FZD4: variants seen among roughly 807,000 people sequenced by gnomAD.
FZD4 encodes frizzled class receptor 4.
In FZD4, 16 loss-of-function variants were observed where a neutral mutation model predicts 37.3. The observed-to-expected ratio is 0.43, with a 90% CI of 0.29 to 0.65. FZD4 has a LOEUF of 0.65. Among genes scored for constraint, FZD4 ranks in the 30% least tolerant of loss-of-function variants. The pLI, the probability that FZD4 is intolerant of heterozygous loss-of-function variation, is 0.16. For missense variants in FZD4, 599 were observed against 674.3 expected, an observed-to-expected ratio of 0.89 and a Z score of 1.24; for synonymous variants, 246 against 254.8, an observed-to-expected ratio of 0.97 and a Z score of 0.33.
At chr11:86,953,491 C>T (rs1018545473) in intron 1 of FZD4, among the ~76,000 whole-genome samples, 1 of 152,184 alleles carries the variant, frequency 6.6e-6, no homozygotes, top group Non-Finnish European at 1.5e-5. Context: ...GTCTAATCCC[C>T]ACCATCTTTC....
intron 1 of FZD4, chr11:86,954,197 A>G (rs1257196100): frequency 2.0e-6 from 2 of 981,154 alleles, no homozygotes; most frequent in African/African-American, 1.8e-5. Context: ...ATTTCTTCCA[A>G]TATACCAACC....
At chr11:86,952,520 G>A in intron 1 of FZD4, 50 bp from the exon 2 acceptor site, 1 of 1,596,834 alleles carries the variant, frequency 6.3e-7, no homozygotes, top group East Asian at 2.2e-5. Flanking sequence ...TGACTTGGAA[G>A]TTTGACCAAA....
At chr11:86,952,637 T>C in intron 1 of FZD4, 167 bp from the exon 2 acceptor site, 1 of 652,582 alleles carries the variant, frequency 1.5e-6, no homozygotes, top group Non-Finnish European at 2.7e-6. Context: ...CAAGGGCGCC[T>C]GATAATCCAT....
chr11:86,953,679 C>T (rs142635340), intron 1 of FZD4, among the ~76,000 whole-genome samples: 147 of 152,108 alleles, frequency 9.7e-4, no homozygotes, highest in Admixed American at 2.8e-3. Flanking sequence ...TGCAATGGTG[C>T]AATCCCCGCT....
rs185157734 is a variant in FZD4 at position 86,951,351 on chromosome 11, C to T, written c.1405G>A (p.Ala469Thr). The change falls in exon 2 of 2, where the codon GCA becomes ACA. Residue 469 changes from alanine (A) to threonine (T), a missense_variant. Transcript: ENST00000531380. ...ISNWALFRYS[A>T]DDSNMAVEML... Reference sequence around the variant, plus strand: ...TCAACAGCCATGTTGGAATCATCTGCAGAATACCGAAAAAGTGCCCAGTTG... The same window carrying T: ...TCAACAGCCATGTTGGAATCATCTGTAGAATACCGAAAAAGTGCCCAGTTG... 318 of 1,613,716 alleles carry T rather than the reference C, an allele frequency of 2.0e-4. 3 individuals are homozygous for T. The Admixed American group carries it at 5.2e-3, about 26-fold the overall frequency.
rs1408737806 is a variant in FZD4 at position 86,945,682 on chromosome 11, CAAACA to C, written c.*5455_*5459del. ...ATATGCCAAGTCACACACAACCTAA[CAAACA>C]AAACTTTATTTTCCTTTAATACAAA... On this transcript the variant is annotated 3_prime_UTR_variant, in exon 2 of 2. Coordinates refer to ENST00000531380, the MANE Select transcript of FZD4 (RefSeq NM_012193.4). 6.6e-6 allele frequency: 1 copy of C among 152,658 alleles called. No homozygotes were observed. Among genetic ancestry groups the C allele is most frequent in the Non-Finnish European group, 1.5e-5 (1 of 68,046 alleles). 9.5% of individuals were successfully genotyped at this position (152,658 alleles called of 1,614,324 possible).
Position 86,945,894 on chromosome 11 carries a change from A to G in FZD4, c.*5248T>C, listed in dbSNP as rs919324557. The G allele has an allele frequency of 5.2e-5, 8 of 152,760 alleles. 1 individual carries two copies. Among genetic ancestry groups the G allele is most frequent in the Middle Eastern group, 3.4e-3 (1 of 294 alleles). The allele number at this position is 152,760 out of a possible 1,614,324, so 9.5% of individuals were successfully genotyped here. On this transcript the variant is annotated 3_prime_UTR_variant, in exon 2 of 2. Coordinates refer to ENST00000531380, the MANE Select transcript of FZD4 (RefSeq NM_012193.4). ...GGTACCTCTTTGTCAAACATCTGAA[A>G]GTCCCCCAGATTGGCTTCAAGGTTC...
rs756119359 is a variant in FZD4, at chr11:86,954,988, G to T, written c.98C>A (p.Pro33Gln). The T allele has an allele frequency of 4.2e-5, 67 of 1,612,604 alleles. No homozygotes were observed. The highest frequency in any genetic ancestry group is 2.4e-5 in the Non-Finnish European group (28 of 1,179,700). Residue 33 changes from proline (P) to glutamine (Q), a missense_variant, in exon 1 of 2, where the codon CCG becomes CAG. Pro to Gln is a moderately conservative substitution (Grantham distance 76). This residue lies in a region of FZD4 where 357 missense variants were observed against 396.1 expected (regional missense o/e 0.90). Transcript: ENST00000531380. ...LLLQLLLLLG[P>Q]ARGFGDEEER... ...TTCCTCGTCCCCGAAGCCCCGCGCC[G>T]GCCCCAGGAGCAGCAGCAACTGCAG...
Position 86,955,043 on chromosome 11 carries a change from C to T in FZD4, c.43G>A (p.Gly15Arg), listed in dbSNP as rs750507065. 2.5e-6 allele frequency: 4 copies of T among 1,604,336 alleles called. No individual in the cohort carries two copies. The highest frequency in any genetic ancestry group is 2.2e-5 in the South Asian group (2 of 90,106). ...AACCCCAGACTGAGACCGACGCCCC[C>T]GGGCGCCCCCGGGACGCTCGGCCCT... is the stretch of plus-strand genomic sequence containing the variant. ...GAGPSVPGAP[G>R]GVGLSLGLLL... is the part of the protein sequence containing the mutation. Residue 15 changes from glycine to arginine, a missense_variant, in exon 1 of 2, where the codon GGG becomes AGG. Gly to Arg is a moderately radical substitution (Grantham distance 125, BLOSUM62 -2). Transcript: ENST00000531380.
chr11:86,949,737 A>C lies in FZD4; in HGVS notation c.*1405T>G, dbSNP rs959253128. On this transcript the variant is annotated 3_prime_UTR_variant, in exon 2 of 2. Coordinates refer to ENST00000531380, the MANE Select transcript of FZD4 (RefSeq NM_012193.4). The stretch of plus-strand genomic sequence containing the variant: ...CCTGGGCTATTAGAGTTTGCAGTTC[A>C]TTTCATATGGTCTACACTTTATTCC... 2.0e-5 allele frequency: 3 copies of C among 152,688 alleles called. No homozygotes were observed. Among genetic ancestry groups the C allele is most frequent in the Non-Finnish European group, 4.4e-5 (3 of 68,048 alleles). 9.5% of individuals were successfully genotyped at this position (152,688 alleles called of 1,614,324 possible).
intron 1 of FZD4, 85 bp from the exon 2 acceptor site, chr11:86,952,555 G>A: frequency 6.9e-7 from 1 of 1,457,260 alleles, no homozygotes; most frequent in East Asian, 2.3e-5. Flanking sequence ...TGAGTTGAAT[G>A]CTTCCAGGCA....
Position 86,955,139 on chromosome 11 carries a change from C to T in FZD4, c.-54G>A, listed in dbSNP as rs1343364908. 4 of 1,353,912 alleles carry T rather than the reference C, an allele frequency of 3.0e-6. No homozygotes were observed. The highest frequency in any genetic ancestry group is 3.8e-6 in the Non-Finnish European group (4 of 1,046,266). 83.9% of individuals were successfully genotyped at this position (1,353,912 alleles called of 1,614,324 possible). A position where few individuals can be genotyped will look rare whatever the true frequency, so the allele number is the denominator to read the frequency against. On this transcript the variant is annotated 5_prime_UTR_variant, in exon 1 of 2. Transcript: ENST00000531380. ...GGCTGGGGCTGCTCTGGCAGACACC[C>T]CCAGTTTGCACGGGGGCGCCGGCTG...
rs1950464299 is a variant in FZD4 at position 86,951,857 on chromosome 11, G to A, written c.899C>T (p.Thr300Ile). The change falls in exon 2 of 2, where the codon ACA becomes ATA. Residue 300 changes from threonine to isoleucine, a missense_variant. Around this residue, in one of 3 missense-constraint regions of FZD4, gnomAD observed 357 missense variants for 396.1 expected, o/e 0.90. Transcript: ENST00000531380. The part of the protein sequence containing the change: ...PVLIQEGLKN[T>I]GCAIIFLLMY... ...CAGCAAGAAAATTATTGCACATCCT[G>A]TGTTCTTAAGTCCTTCTTGGATGAG... 1.2e-6 allele frequency: 2 copies of A among 1,613,606 alleles called. No individual in the cohort carries two copies.
At chr11:86,954,478 G>A (rs2135044644) in intron 1 of FZD4, 1 of 985,266 alleles carries the variant, frequency 1.0e-6, no homozygotes. Context: ...CCTCCCACTC[G>A]CCCACCGAGC....
At position 86,946,710 on chromosome 11, in the gene FZD4, G is replaced by A. The variant is rs1254775792; in HGVS notation, c.*4432C>T. 1 of 152,566 alleles carries A rather than the reference G, an allele frequency of 6.6e-6. No individual in the cohort carries two copies. Among genetic ancestry groups the A allele is most frequent in the African/African-American group, 2.4e-5 (1 of 41,440 alleles). The allele number at this position is 152,566 out of a possible 1,614,324, so 9.5% of individuals were successfully genotyped here. On this transcript the variant is annotated 3_prime_UTR_variant, in exon 2 of 2. Coordinates refer to ENST00000531380, the MANE Select transcript of FZD4 (RefSeq NM_012193.4). ...TCTCTAAGGAGTTTCCAAGATCTAT[G>A]ATCTAACCCTGGAGGAAAAGTGATA...
Position 86,947,710 on chromosome 11 carries a change from A to G in FZD4, c.*3432T>C, listed in dbSNP as rs1276259614. 1 of 152,286 alleles carries G rather than the reference A, an allele frequency of 6.6e-6. No homozygotes were observed. The highest frequency in any genetic ancestry group is 1.5e-5 in the Non-Finnish European group (1 of 68,128). The allele number at this position is 152,286 out of a possible 1,614,324, so 9.4% of individuals were successfully genotyped here. ...AAGGAAAGAGGATATGAATCAACCA[A>G]GTAGCTCAAGCAGATGGTTCTGGCC... On this transcript the variant is annotated 3_prime_UTR_variant, in exon 2 of 2. Coordinates refer to ENST00000531380, the MANE Select transcript of FZD4 (RefSeq NM_012193.4).
At position 86,947,436 on chromosome 11, in the gene FZD4, T is replaced by C. The variant is rs1025770136; in HGVS notation, c.*3706A>G. The stretch of plus-strand genomic sequence containing the variant: ...TCAATACAATAAGCATTTAATTCAG[T>C]GACCATGAGGATGAGGGGAGCCAGA... On this transcript the variant is annotated 3_prime_UTR_variant, in exon 2 of 2. Coordinates refer to ENST00000531380, the MANE Select transcript of FZD4 (RefSeq NM_012193.4). 3 of 152,222 alleles carry C rather than the reference T, an allele frequency of 2.0e-5. No homozygotes were observed. In the East Asian group the frequency reaches 5.8e-4, roughly 29 times the overall value. The allele number at this position is 152,222 out of a possible 1,614,324, so 9.4% of individuals were successfully genotyped here.
intron 1 of FZD4, among the ~76,000 whole-genome samples, chr11:86,953,624 T>C (rs1949312642): frequency 6.7e-6 from 1 of 150,198 alleles, no homozygotes. Flanking sequence ...TTTCTTTTCT[T>C]TTTTTTTTTG....
chr11:86,952,185 A>G lies in FZD4; in HGVS notation c.571T>C (p.Tyr191His). ...CHSVGTNSDQYIWVKRSLNCV... is the reference protein window; with the variant it reads ...CHSVGTNSDQHIWVKRSLNCV... ...TTCAGGCTCCTTTTCACCCAGATGTACTGATCAGAATTGGTTCCCACAGAG... is the reference window on the plus strand; with the variant it reads ...TTCAGGCTCCTTTTCACCCAGATGTGCTGATCAGAATTGGTTCCCACAGAG... The change falls in exon 2 of 2, where the codon TAC becomes CAC. Residue 191 changes from tyrosine (Y) to histidine (H), a missense_variant. Coordinates refer to ENST00000531380, the MANE Select transcript of FZD4 (RefSeq NM_012193.4). 2.5e-6 allele frequency: 4 copies of G among 1,613,030 alleles called. No individual in the cohort carries two copies. Among genetic ancestry groups the G allele is most frequent in the Non-Finnish European group, 2.5e-6 (3 of 1,179,200 alleles).
Sources: allele counts gnomAD v4.1 joint callset (sites outside exome capture counted in the v4.1 genomes callset), GRCh38; gene constraint gnomAD v4.1.1; regional missense constraint gnomAD v4.1.1; transcripts MANE v1.5; gene names NCBI Gene and HGNC (gene_info 2026-07-23, HGNC 2026-07-21).